The following DNAH14 variants were observed in gnomAD, a reference collection of about 807,000 sequenced individuals.
DNAH14 encodes dynein axonemal heavy chain 14.
In DNAH14, 478 loss-of-function variants were observed where a neutral mutation model predicts 520.9. The observed-to-expected ratio is 0.92, with a 90% CI of 0.85 to 0.99. The LOEUF (loss-of-function observed/expected upper bound fraction) is 0.99, where lower values mean the gene tolerates loss of function less well. Among genes scored for constraint, DNAH14 ranks in the 50% least tolerant of loss-of-function variants. The pLI is 0.00. For synonymous variants in DNAH14, 1,581 were observed against 1,757.2 expected (o/e 0.90, Z 2.51); for missense variants, 4,831 against 5,234.5 (o/e 0.92, Z 2.38).
At chr1:225,344,316 T>C (rs2095251827) in intron 69 of DNAH14, among the ~76,000 whole-genome samples, 1 of 152,084 alleles carries the variant, frequency 6.6e-6, no homozygotes, top group Admixed American at 6.6e-5. Flanking sequence ...GTACAGATTA[T>C]GTCATCACTC....
At chr1:225,344,415 T>C (rs768871052) in intron 69 of DNAH14, among the ~76,000 whole-genome samples, 2 of 152,172 alleles carry the variant, frequency 1.3e-5, no homozygotes, top group African/African-American at 4.8e-5. Context: ...GTATCTGTTG[T>C]TCCCCTCTAT....
intron 7 of DNAH14, among the ~76,000 whole-genome samples, chr1:224,970,180 C>T (rs540743486): frequency 4.6e-5 from 7 of 152,130 alleles, no homozygotes; most frequent in African/African-American, 9.6e-5. Context: ...ATGGCCGCTT[C>T]GGGGGGCGGC....
intron 8 of DNAH14, among the ~76,000 whole-genome samples, chr1:224,986,074 A>G (rs2062614195): frequency 6.6e-6 from 1 of 152,078 alleles, no homozygotes. Flanking sequence ...CCAAGGAGAT[A>G]TAACCCAAAG....
intron 54 of DNAH14, among the ~76,000 whole-genome samples, chr1:225,278,516 T>A (rs2093548248): frequency 1.3e-5 from 2 of 152,212 alleles, no homozygotes; most frequent in Admixed American, 6.5e-5. Context: ...TCAGTCCCTA[T>A]TAGTCTGTCT....
At chr1:225,246,714 A>C (rs1443465247) in intron 43 of DNAH14, among the ~76,000 whole-genome samples, 3 of 152,224 alleles carry the variant, frequency 2.0e-5, no homozygotes, top group Non-Finnish European at 1.5e-5. Context: ...GCAATCATTA[A>C]AAAGTCAGGA....
rs781487885 is a variant in DNAH14, at chr1:225,324,795, G to A, written c.9686G>A (p.Arg3229Gln). ...AEAQNVLKIA[R>Q]QRLAEKQRGL... ...GCTCAAAACGTCCTTAAAATTGCGC[G>A]ACAAAGACTTGCTGAGAAACAAAGA... Residue 3229 changes from arginine (R) to glutamine (Q), a missense_variant, in exon 64 of 86, where the codon CGA becomes CAA. Arg to Gln is a conservative substitution (Grantham distance 43). Coordinates refer to ENST00000682510, the MANE Select transcript of DNAH14 (RefSeq NM_001367479.1). 5.4e-5 allele frequency: 83 copies of A among 1,551,282 alleles called. No individual in the cohort carries two copies. The highest frequency in any genetic ancestry group is 1.7e-4 in the Middle Eastern group (1 of 6,012).
At chr1:225,154,785 TA>T (rs2080865283) in intron 34 of DNAH14, among the ~76,000 whole-genome samples, 1 of 151,908 alleles carries the variant, frequency 6.6e-6, no homozygotes, top group African/African-American at 2.4e-5. Flanking sequence ...TCTTTAAAAC[TA>T]AGACTCTAAA....
In DNAH14 at chr1:225,318,655, A is replaced by G. The variant is rs543445957; in HGVS notation, c.9313A>G (p.Lys3105Glu). 1,377 of 1,549,580 alleles carry G rather than the reference A, an allele frequency of 8.9e-4. 28 individuals carry two copies. In the South Asian group the frequency reaches 0.015, roughly 17 times the overall value. ...AATTGTGGCTCTGAATGCCCTGGAT[A>G]AAGCTGATGTCGCTGAATTAAGGTA... ...KAIVALNALD[K>E]ADVAELRVYT... The change falls in exon 61 of 86, where the codon AAA (lysine) becomes GAA (glutamate). Residue 3105 changes from lysine to glutamate, a missense_variant. Physicochemically the swap from Lys to Glu is moderately conservative, Grantham distance 56 (BLOSUM62 1). Coordinates refer to ENST00000682510, the MANE Select transcript of DNAH14 (RefSeq NM_001367479.1).
At chr1:225,049,440 C>T (rs1008113826) in intron 15 of DNAH14, among the ~76,000 whole-genome samples, 4 of 151,980 alleles carry the variant, frequency 2.6e-5, no homozygotes, top group African/African-American at 9.7e-5. Context: ...GAATACAATT[C>T]TTTTATCATA....
At chr1:224,950,328 T>C (rs972337054) in intron 1 of DNAH14, among the ~76,000 whole-genome samples, 1 of 152,196 alleles carries the variant, frequency 6.6e-6, no homozygotes, top group African/African-American at 2.4e-5. Flanking sequence ...AAGAAGGTAT[T>C]ATGGGTGATA....
chr1:225,348,024 A>T (rs886527889), intron 71 of DNAH14, among the ~76,000 whole-genome samples: 1 of 152,188 alleles, frequency 6.6e-6, no homozygotes, highest in African/African-American at 2.4e-5. Flanking sequence ...GCAAAGACAT[A>T]AAAACTATAA....
intron 37 of DNAH14, among the ~76,000 whole-genome samples, chr1:225,185,946 G>GTTTTTTTT (rs11443248): frequency 1.3e-4 from 13 of 98,754 alleles, no homozygotes; most frequent in East Asian, 9.2e-4. Context: ...ATTACACTTT[G>GTTTTTTTT]TTTTTTTTTT....
rs773874579 is a variant in DNAH14 at position 224,960,223 on chromosome 1, G to GA, written c.290dup (p.Ser98ValfsTer15). On this transcript the variant is annotated frameshift_variant, in exon 4 of 86. Transcript: ENST00000682510. LOFTEE classifies it high-confidence loss of function. ...AGCCAGCTTCCCTTAAGGAGAAAGGGAAGTCAAGGAGAAAAAAGGATCAAA... is the reference window on the plus strand; with the variant it reads ...AGCCAGCTTCCCTTAAGGAGAAAGGGAAAGTCAAGGAGAAAAAAGGATCAAA... 4.3e-6 allele frequency: 7 copies of GA among 1,611,628 alleles called. No homozygotes were observed. The highest frequency in any genetic ancestry group is 5.1e-6 in the Non-Finnish European group (6 of 1,178,828).
rs897293363 is a variant in DNAH14, at chr1:225,258,239, A to G, written c.7024+121A>G. 3.6e-5 allele frequency: 34 copies of G among 949,634 alleles called. No homozygotes were observed. The African/African-American group carries it at 5.4e-4, about 15-fold the overall frequency. The allele number at this position is 949,634 out of a possible 1,614,324, so 58.8% of individuals were successfully genotyped here. A position where few individuals can be genotyped will look rare whatever the true frequency, so the allele number is the denominator to read the frequency against. On this transcript the variant is annotated intron_variant, in intron 45 of 85. Transcript: ENST00000682510. ...TATACACTGAAAAGTTTTGGTTACT[A>G]TATTAATTTATTTTCTTACCAGCAG...
intron 54 of DNAH14, among the ~76,000 whole-genome samples, chr1:225,285,888 C>G (rs1318844278): frequency 1.3e-5 from 2 of 152,120 alleles, no homozygotes; most frequent in Non-Finnish European, 2.9e-5. Flanking sequence ...GAAACAGTTA[C>G]CTTGTTATGG....
chr1:225,192,905 A>T lies in DNAH14; in HGVS notation c.5880A>T (p.Leu1960Phe). 6.5e-7 allele frequency: 1 copy of T among 1,545,692 alleles called. No individual in the cohort carries two copies. The highest frequency in any genetic ancestry group is 8.7e-7 in the Non-Finnish European group (1 of 1,143,030). Residue 1960 changes from leucine to phenylalanine, a missense_variant, in exon 38 of 86, where the codon TTA becomes TTT. Physicochemically the swap from Leu to Phe is conservative, Grantham distance 22 (BLOSUM62 0). Transcript: ENST00000682510. Reference protein sequence around the residue: ...DLRLKSRISDLSNVFKLDSSD... With the variant: ...DLRLKSRISDFSNVFKLDSSD... Reference sequence around the variant, plus strand: ...GACTAAAGTCAAGAATCTCAGATTTATCCAATGTAAGTTTAGTATTGAATG... The same window carrying T: ...GACTAAAGTCAAGAATCTCAGATTTTTCCAATGTAAGTTTAGTATTGAATG...
rs1193489663 is a variant in DNAH14 at position 225,378,665 on chromosome 1, G to A, written c.12716+1229G>A. ...TGGGAGGCCGAGGCGGGTGGGTCAC[G>A]AGGTCAGGAGTTCAAGATCAGCCTG... On this transcript the variant is annotated intron_variant, in intron 79 of 85. Transcript: ENST00000682510. Among the ~76,000 whole-genome samples, 3 of 152,154 alleles carry A rather than the reference G, an allele frequency of 2.0e-5. No individual in the cohort carries two copies. In the East Asian group the frequency reaches 5.8e-4, roughly 29 times the overall value.
intron 54 of DNAH14, 129 bp from the exon 55 acceptor site, chr1:225,289,756 G>T: frequency 3.6e-6 from 2 of 559,068 alleles, no homozygotes; most frequent in Non-Finnish European, 5.6e-6. Context: ...ACTCCCAAAA[G>T]GTTATAAATA....
intron 33 of DNAH14, among the ~76,000 whole-genome samples, chr1:225,153,278 A>G (rs1009009307): frequency 6.6e-6 from 1 of 152,146 alleles, no homozygotes; most frequent in Non-Finnish European, 1.5e-5. Context: ...CTGAGTTTCT[A>G]ATTCTGTACT....
Sources: allele counts gnomAD v4.1 joint callset (sites outside exome capture counted in the v4.1 genomes callset), GRCh38; gene constraint gnomAD v4.1.1; transcripts MANE v1.5; gene names NCBI Gene and HGNC (gene_info 2026-07-23, HGNC 2026-07-21).